PATJ: variants seen among roughly 807,000 people sequenced by gnomAD.
The protein encoded by PATJ is PATJ crumbs cell polarity complex component.
A neutral mutation model predicts 224.9 loss-of-function variants in PATJ; 190 were observed. The observed-to-expected ratio is 0.84, with a 90% CI of 0.75 to 0.95. The LOEUF is 0.95. Among genes scored for constraint, PATJ ranks in the 40% least tolerant of loss-of-function variants. PATJ has a pLI of 0.00. For synonymous variants in PATJ, 769 were observed against 820.3 expected (o/e 0.94, Z 1.07); for missense variants, 2,121 against 2,270.3 (o/e 0.93, Z 1.34).
chr1:62,021,076 G>C (rs58541070), intron 29 of PATJ, among the ~76,000 whole-genome samples: 60,358 of 151,852 alleles, frequency 0.4, 12,801 homozygotes, highest in South Asian at 0.54. Context: ...GATCTGCCTG[G>C]CTCGGCCTCC....
intron 27 of PATJ, among the ~76,000 whole-genome samples, chr1:61,954,177 A>G (rs1314462602): frequency 6.6e-6 from 1 of 152,212 alleles, no homozygotes; most frequent in African/African-American, 2.4e-5. Flanking sequence ...CTATTTATGT[A>G]TACACATTTA....
chr1:61,768,107 C>T (rs1170286499), intron 4 of PATJ, among the ~76,000 whole-genome samples: 1 of 152,136 alleles, frequency 6.6e-6, no homozygotes, highest in Non-Finnish European at 1.5e-5. Flanking sequence ...ACAGTTCTAC[C>T]TGTTCTTACA....
chr1:62,143,438 ATTTTTTTT>A (rs34127211), intron 41 of PATJ, among the ~76,000 whole-genome samples: 5 of 74,310 alleles, frequency 6.7e-5, no homozygotes, highest in African/African-American at 2.3e-4. Flanking sequence ...TAAGCTGGGA[ATTTTTTTT>A]TTTTTTTTTT....
intron 42 of PATJ, among the ~76,000 whole-genome samples, chr1:62,152,340 T>C (rs773051215): frequency 6.9e-6 from 1 of 145,620 alleles, no homozygotes; most frequent in Non-Finnish European, 1.6e-5. Context: ...TAGGTGGAAG[T>C]GGCCAGGGCG....
At chr1:61,975,288 C>T (rs946919005) in intron 27 of PATJ, among the ~76,000 whole-genome samples, 1 of 151,956 alleles carries the variant, frequency 6.6e-6, no homozygotes, top group Non-Finnish European at 1.5e-5. Context: ...TACTGATTGC[C>T]AAAGTTGAAT....
chr1:61,956,987 C>A (rs1000768515), intron 27 of PATJ, among the ~76,000 whole-genome samples: 5 of 152,156 alleles, frequency 3.3e-5, no homozygotes, highest in Admixed American at 3.3e-4. Flanking sequence ...GGCCTGTGCT[C>A]CTGTTTCTTT....
rs373367263 is a variant in PATJ at position 61,796,741 on chromosome 1, T to TTTCTTTCTTTCTTTCTTTCTTTC, written c.1261-544_1261-543insCTTTCTTTCTTTCTTTCTTTCTT. Among the ~76,000 whole-genome samples the TTTCTTTCTTTCTTTCTTTCTTTC allele has an allele frequency of 1.4e-3, 66 of 45,882 alleles. 3 individuals carry two copies. Among genetic ancestry groups the TTTCTTTCTTTCTTTCTTTCTTTC allele is most frequent in the Admixed American group, 3.3e-3 (12 of 3,666 alleles). 30.1% of individuals were successfully genotyped at this position (45,882 alleles called of 152,430 possible). ...TTCTTTCTTTTTCTTTCTTTCTTTC[T>TTTCTTTCTTTCTTTCTTTCTTTC]TTTTTTTCTTCCTTTCTTCCTTTCT... On this transcript the variant is annotated intron_variant, in intron 10 of 43. Transcript: ENST00000642238.
intron 28 of PATJ, among the ~76,000 whole-genome samples, chr1:61,996,689 A>T (rs1003430947): frequency 6.6e-6 from 1 of 151,212 alleles, no homozygotes; most frequent in Non-Finnish European, 1.5e-5. Flanking sequence ...CAAGAAAATG[A>T]CTTTTCCTGT....
At position 62,121,278 on chromosome 1, in the gene PATJ, C is replaced by T. The variant is rs1665011530; in HGVS notation, c.4988C>T (p.Pro1663Leu). 1.2e-6 allele frequency: 2 copies of T among 1,612,202 alleles called. No individual in the cohort carries two copies. The highest frequency in any genetic ancestry group is 1.7e-6 in the Non-Finnish European group (2 of 1,178,744). Residue 1663 changes from proline to leucine, a missense_variant, in exon 38 of 44, where the codon CCT becomes CTT. Pro to Leu is a moderately conservative substitution (Grantham distance 98). Transcript: ENST00000642238. ...NLVGTKRVSD[P>L]SQKNSGTDME... is the part of the protein sequence containing the mutation. ...GTTGGCACAAAAAGAGTTTCAGATC[C>T]TTCCCAGAAAAATTCAGGTATTACA...
rs34267345 is a variant in PATJ at position 61,965,121 on chromosome 1, C to CAAAAAAAAAAA, written c.3671-25017_3671-25007dup. Among the ~76,000 whole-genome samples the CAAAAAAAAAAA allele has an allele frequency of 1.5e-3, 80 of 54,374 alleles. 16 individuals are homozygous for CAAAAAAAAAAA. The highest frequency in any genetic ancestry group is 4.2e-3 in the East Asian group (2 of 478). 35.7% of individuals were successfully genotyped at this position (54,374 alleles called of 152,430 possible). A position where few individuals can be genotyped will look rare whatever the true frequency, so the allele number is the denominator to read the frequency against. Reference sequence around the variant, plus strand: ...TGGGCCACTGAAGGAGACTCTGTCTCAAAAAAAAAAAAAAAAAAAAAAAAA... The same window carrying CAAAAAAAAAAA: ...TGGGCCACTGAAGGAGACTCTGTCTCAAAAAAAAAAAAAAAAAAAAAAAAAAAAAAAAAAAA... On this transcript the variant is annotated intron_variant, in intron 27 of 43. Coordinates refer to ENST00000642238, the MANE Select transcript of PATJ (RefSeq NM_001350145.3).
chr1:61,945,974 CATA>C (rs1171407177), intron 27 of PATJ, among the ~76,000 whole-genome samples: 1 of 152,126 alleles, frequency 6.6e-6, no homozygotes, highest in Non-Finnish European at 1.5e-5. Flanking sequence ...CTACTGGGTA[CATA>C]ATGAAATGAA....
chr1:61,831,828 C>T (rs1416662070), intron 16 of PATJ, among the ~76,000 whole-genome samples: 1 of 152,156 alleles, frequency 6.6e-6, no homozygotes. Context: ...CCCATTACTG[C>T]GTATATACCC....
At chr1:62,038,937 T>C (rs898844027) in intron 30 of PATJ, 8 of 1,228,302 alleles carry the variant, frequency 6.5e-6, no homozygotes, top group African/African-American at 1.5e-5. Flanking sequence ...TGGGTTGCCA[T>C]GGGACCCTGT....
intron 1 of PATJ, among the ~76,000 whole-genome samples, chr1:61,757,805 A>G (rs1243215144): frequency 2.6e-5 from 4 of 152,114 alleles, no homozygotes; most frequent in Non-Finnish European, 5.9e-5. Context: ...CTGTTACTAC[A>G]TTGACTATCT....
At chr1:61,916,783 A>C (rs1673506681) in intron 26 of PATJ, among the ~76,000 whole-genome samples, 1 of 152,202 alleles carries the variant, frequency 6.6e-6, no homozygotes, top group Non-Finnish European at 1.5e-5. Flanking sequence ...TGGAGGCTAG[A>C]GTCTTCTTTC....
At chr1:61,760,203 T>G (rs1645886616) in intron 1 of PATJ, among the ~76,000 whole-genome samples, 1 of 152,232 alleles carries the variant, frequency 6.6e-6, no homozygotes, top group South Asian at 2.1e-4. Context: ...TTTGATGCTC[T>G]ATTCAGCACT....
intron 41 of PATJ, among the ~76,000 whole-genome samples, chr1:62,147,142 G>T (rs1169046004): frequency 6.6e-6 from 1 of 152,146 alleles, no homozygotes; most frequent in Non-Finnish European, 1.5e-5. Context: ...TCATCACTTA[G>T]ATGGCATTTA....
At chr1:62,140,106 G>A (rs1667347928) in intron 41 of PATJ, among the ~76,000 whole-genome samples, 1 of 152,038 alleles carries the variant, frequency 6.6e-6, no homozygotes, top group African/African-American at 2.4e-5. Flanking sequence ...TTGTCTTCCT[G>A]CAAAAGACCA....
rs1433008172 is a variant in PATJ, at chr1:62,161,143, C to T, written c.*89C>T. The T allele has an allele frequency of 1.0e-6, 1 of 1,001,178 alleles. No homozygotes were observed. The highest frequency in any genetic ancestry group is 3.6e-5 in the Admixed American group (1 of 27,424). The allele number at this position is 1,001,178 out of a possible 1,614,324, so 62.0% of individuals were successfully genotyped here. On this transcript the variant is annotated 3_prime_UTR_variant, in exon 44 of 44. Transcript: ENST00000642238. The stretch of plus-strand genomic sequence containing the variant: ...GAGTGGGTATGAAAAGCACCCTCAA[C>T]TAAAATGCACCTTCATTCTTATTTC...
Sources: gnomAD v4.1 joint callset for allele counts (sites outside exome capture counted in the v4.1 genomes callset) on GRCh38, gnomAD v4.1.1 for gene constraint, MANE v1.5 for transcripts, NCBI Gene and HGNC (gene_info 2026-07-23, HGNC 2026-07-21) for gene names.